ZFP90: variants seen among roughly 807,000 people sequenced by gnomAD.
ZFP90 encodes ZFP90 zinc finger protein, also known as zinc finger protein 90 homolog.
A neutral mutation model predicts 60.8 loss-of-function variants in ZFP90; 38 were observed. That is an observed-to-expected ratio of 0.62 (90% CI 0.48 to 0.82). The LOEUF is 0.82. Among genes scored for constraint, ZFP90 ranks in the 40% least tolerant of loss-of-function variants. The pLI is 0.00. For missense variants in ZFP90, 711 were observed against 759.1 expected, an observed-to-expected ratio of 0.94 and a Z score of 0.74; for synonymous variants, 287 against 264.8, an observed-to-expected ratio of 1.08 and a Z score of -0.82.
upstream of ZFP90, among the ~76,000 whole-genome samples, chr16:68,538,578 T>G (rs2090980127): frequency 6.6e-6 from 1 of 152,106 alleles, no homozygotes; most frequent in African/African-American, 2.4e-5. Context: ...ACGCATCGCA[T>G]GCCTGTAATC....
At chr16:68,545,307 T>C (rs572134381) in intron 2 of ZFP90, among the ~76,000 whole-genome samples, 1 of 152,226 alleles carries the variant, frequency 6.6e-6, no homozygotes, top group East Asian at 1.9e-4. Context: ...TTGCCCAGAC[T>C]AAACACGAGG....
chr16:68,556,012 A>C (rs1242381351), intron 2 of ZFP90, among the ~76,000 whole-genome samples: 1 of 152,190 alleles, frequency 6.6e-6, no homozygotes, highest in Non-Finnish European at 1.5e-5. Context: ...ACAGAAGTCT[A>C]ACCAGGAATT....
At chr16:68,536,277 C>G (rs1302033085), upstream of ZFP90, among the ~76,000 whole-genome samples, 1 of 152,134 alleles carries the variant, frequency 6.6e-6, no homozygotes, top group Non-Finnish European at 1.5e-5. Context: ...GCCTTCCGCA[C>G]TAGGTGGAAG....
chr16:68,541,246 C>A (rs906821464), intron 2 of ZFP90, among the ~76,000 whole-genome samples: 2 of 152,196 alleles, frequency 1.3e-5, no homozygotes, highest in African/African-American at 4.8e-5. Flanking sequence ...CCATGTTGGC[C>A]AGTCTGGTCT....
chr16:68,562,806 A>G (rs1223188674), intron 4 of ZFP90: 1 of 837,748 alleles, frequency 1.2e-6, no homozygotes, highest in Non-Finnish European at 1.8e-6. Context: ...TTATTTTCTA[A>G]CCAACCCTCC....
downstream of ZFP90, among the ~76,000 whole-genome samples, chr16:68,568,243 A>G (rs1251235535): frequency 1.3e-5 from 2 of 152,238 alleles, no homozygotes; most frequent in African/African-American, 4.8e-5. Context: ...GATACTTAAT[A>G]TAGTGATATA....
chr16:68,564,958 G>T lies in ZFP90; in HGVS notation c.*260G>T. 1 of 1,206,456 alleles carries T rather than the reference G, an allele frequency of 8.3e-7. No homozygotes were observed. The highest frequency in any genetic ancestry group is 1.0e-6 in the Non-Finnish European group (1 of 970,690). The allele number at this position is 1,206,456 out of a possible 1,614,324, so 74.7% of individuals were successfully genotyped here. A position where few individuals can be genotyped will look rare whatever the true frequency, so the allele number is the denominator to read the frequency against. ...TGCCTGTATGTTGGACTTTGCTTTT[G>T]AATATATGTATGCAGGATATCATCA... On this transcript the variant is annotated 3_prime_UTR_variant, in exon 5 of 5. Transcript: ENST00000563169.
At chr16:68,551,904 G>A (rs1447010967) in intron 2 of ZFP90, among the ~76,000 whole-genome samples, 2 of 151,930 alleles carry the variant, frequency 1.3e-5, no homozygotes, top group African/African-American at 4.8e-5. Context: ...GACTACAGGC[G>A]CTCGCCACCG....
chr16:68,572,303 GTAT>G (rs1272578179), intron 2 of ZFP90, among the ~76,000 whole-genome samples: 3 of 152,134 alleles, frequency 2.0e-5, no homozygotes, highest in East Asian at 1.9e-4. Flanking sequence ...TGAACAGGAA[GTAT>G]TATTGTAGTA....
intron 2 of ZFP90, among the ~76,000 whole-genome samples, chr16:68,540,808 C>CAAAAAAAAAAA (rs35122186): frequency 1.1e-5 from 1 of 92,696 alleles, no homozygotes; most frequent in Non-Finnish European, 2.0e-5. Context: ...TCCGTCTCTG[C>CAAAAAAAAAAA]AAAAAAAAAA....
At chr16:68,536,548 CCCT>C (rs538032361), upstream of ZFP90, among the ~76,000 whole-genome samples, 70 of 152,302 alleles carry the variant, frequency 4.6e-4, no homozygotes, top group Non-Finnish European at 7.9e-4. Context: ...AAGCGATCCT[CCCT>C]CCTCAGCCTC....
intron 2 of ZFP90, among the ~76,000 whole-genome samples, chr16:68,541,622 C>A (rs138988851): frequency 2.6e-5 from 4 of 151,962 alleles, no homozygotes; most frequent in Non-Finnish European, 4.4e-5. Context: ...ATATATACTT[C>A]TTATTATATG....
At chr16:68,542,248 G>C (rs567309374) in intron 2 of ZFP90, among the ~76,000 whole-genome samples, 2 of 152,262 alleles carry the variant, frequency 1.3e-5, no homozygotes, top group African/African-American at 4.8e-5. Context: ...GAGGGACCAG[G>C]ACATTCTGCC....
intron 2 of ZFP90, among the ~76,000 whole-genome samples, chr16:68,555,839 T>G (rs2091334715): frequency 6.6e-6 from 1 of 152,098 alleles, no homozygotes; most frequent in Non-Finnish European, 1.5e-5. Flanking sequence ...CTTGAGGAAT[T>G]TGAGTGAATC....
chr16:68,538,101 G>A (rs893477251), upstream of ZFP90, among the ~76,000 whole-genome samples: 1 of 151,872 alleles, frequency 6.6e-6, no homozygotes, highest in African/African-American at 2.4e-5. Flanking sequence ...TAGTAGAGAC[G>A]AGCTATCTCC....
intron 2 of ZFP90, among the ~76,000 whole-genome samples, chr16:68,553,617 G>A (rs2091295170): frequency 2.6e-5 from 4 of 151,104 alleles, no homozygotes; most frequent in Non-Finnish European, 4.5e-5. Flanking sequence ...GCAGATTTTT[G>A]TTTTGTTTTG....
downstream of ZFP90, among the ~76,000 whole-genome samples, chr16:68,570,498 ATC>A (rs1172118192): frequency 6.6e-6 from 1 of 152,230 alleles, no homozygotes; most frequent in Non-Finnish European, 1.5e-5. Context: ...TTATGCAGAA[ATC>A]TCTGGAAAAG....
chr16:68,573,500 T>G (rs1483862661), intron 2 of ZFP90, among the ~76,000 whole-genome samples: 1 of 152,136 alleles, frequency 6.6e-6, no homozygotes, highest in Admixed American at 6.5e-5. Flanking sequence ...AAACTCTATA[T>G]ATATATGGTC....
Position 68,567,101 on chromosome 16 carries a change from A to G in ZFP90, c.*2403A>G. 1 of 985,562 alleles carries G rather than the reference A, an allele frequency of 1.0e-6. No individual in the cohort carries two copies. The highest frequency in any genetic ancestry group is 1.2e-6 in the Non-Finnish European group (1 of 829,922). The allele number at this position is 985,562 out of a possible 1,614,324, so 61.1% of individuals were successfully genotyped here. On this transcript the variant is annotated 3_prime_UTR_variant, in exon 5 of 5. Transcript: ENST00000563169. ...AAATGCATCCTTGTAACATCATTGT[A>G]TTCTTTCAATAAATAGCCTTCTGAG...
Sources: gnomAD v4.1 joint callset for allele counts (sites outside exome capture counted in the v4.1 genomes callset) on GRCh38, gnomAD v4.1.1 for gene constraint, MANE v1.5 for transcripts, NCBI Gene and HGNC (gene_info 2026-07-23, HGNC 2026-07-21) for gene names.